Variants in TMPRSS2 observed in about 807,000 individuals in gnomAD.
TMPRSS2 encodes transmembrane protease serine 2.
In TMPRSS2, 59 loss-of-function variants were observed where a neutral mutation model predicts 67.4. The observed-to-expected ratio is 0.88, with a 90% CI of 0.71 to 1.09. The LOEUF is 1.09. TMPRSS2 is among the 50% of genes least tolerant of loss of function. The pLI is 0.00. For synonymous variants in TMPRSS2, 257 were observed against 257.0 expected (o/e 1.00, Z 0.00); for missense variants, 668 against 642.7 (o/e 1.04, Z -0.43).
Position 41,466,529 on chromosome 21 carries a change from G to A in TMPRSS2, c.1468-376C>T, listed in dbSNP as rs145024812. Among the ~76,000 whole-genome samples, 689 of 152,320 alleles carry A rather than the reference G, an allele frequency of 4.5e-3. 5 individuals are homozygous for A. Among genetic ancestry groups the A allele is most frequent in the African/African-American group, 0.016 (651 of 41,582 alleles). On this transcript the variant is annotated intron_variant, in intron 13 of 13. Coordinates refer to ENST00000332149, the MANE Select transcript of TMPRSS2 (RefSeq NM_005656.4). ...CATCCTGGTGCGAGTCCGCCCCTCAGCCTGGCTGACCATCCCAGCCCTGCC... is the reference window on the plus strand; with the variant it reads ...CATCCTGGTGCGAGTCCGCCCCTCAACCTGGCTGACCATCCCAGCCCTGCC...
chr21:41,476,744 G>C (rs572136846), intron 7 of TMPRSS2, 124 bp from the exon 8 acceptor site: 329 of 866,532 alleles, frequency 3.8e-4, no homozygotes, highest in Non-Finnish European at 5.9e-4. Flanking sequence ...AGAAGGGTCT[G>C]CTAGTTACAA....
rs1457714893 is a variant in TMPRSS2 at position 41,506,968 on chromosome 21, G to A, written c.-57+1113C>T. On this transcript the variant is annotated intron_variant, in intron 1 of 13. Coordinates refer to ENST00000332149, the MANE Select transcript of TMPRSS2 (RefSeq NM_005656.4). ...CGAAGGCGAGCCCTGGGTGCTCCCTGCCCACAGGGCTCACCTCGGGCCGCC... is the reference window on the plus strand; with the variant it reads ...CGAAGGCGAGCCCTGGGTGCTCCCTACCCACAGGGCTCACCTCGGGCCGCC... Among the ~76,000 whole-genome samples, 4 of 152,170 alleles carry A rather than the reference G, an allele frequency of 2.6e-5. No homozygotes were observed. The East Asian group carries it at 5.8e-4, about 22-fold the overall frequency.
intron 7 of TMPRSS2, 88 bp downstream of exon 7, chr21:41,479,084 A>C: frequency 9.6e-7 from 1 of 1,040,182 alleles, no homozygotes; most frequent in Non-Finnish European, 1.5e-6. Context: ...ATTGCAGCTC[A>C]GAGAAATCAG....
In TMPRSS2 at chr21:41,478,183, A is replaced by C. The variant is rs116170128; in HGVS notation, c.683+989T>G. ...CACCTGGCCGTGCACAGCCCTCCCC[A>C]CTGGGCTTGCCCTGCCACATTCCCC... On this transcript the variant is annotated intron_variant, in intron 7 of 13. Transcript: ENST00000332149. This position sits in a 1 kb window ranked among gnomAD's most constrained non-coding sequence, Gnocchi z 4.0. Among the ~76,000 whole-genome samples the C allele has an allele frequency of 0.051, 7,776 of 152,190 alleles. 311 individuals carry two copies. The highest frequency in any genetic ancestry group is 0.11 in the African/African-American group (4,747 of 41,516).
intron 3 of TMPRSS2, among the ~76,000 whole-genome samples, chr21:41,493,724 A>G (rs2091356282): frequency 6.6e-6 from 1 of 152,232 alleles, no homozygotes. Flanking sequence ...ATGAGACCAA[A>G]CGAAATGGCA....
chr21:41,466,283 C>T, intron 13 of TMPRSS2, 130 bp from the exon 14 acceptor site: 7 of 856,924 alleles, frequency 8.2e-6, no homozygotes, highest in Non-Finnish European at 1.3e-5. Context: ...ACAAAGGGAT[C>T]ATTCTTCTCT....
intron 9 of TMPRSS2, 73 bp downstream of exon 9, chr21:41,473,252 A>C: frequency 6.8e-7 from 1 of 1,471,406 alleles, no homozygotes; most frequent in Non-Finnish European, 9.1e-7. Flanking sequence ...AAGGGTTGAG[A>C]CCTGCTCAAG....
intron 5 of TMPRSS2, among the ~76,000 whole-genome samples, chr21:41,481,394 C>A (rs900637544): frequency 1.3e-5 from 2 of 152,170 alleles, no homozygotes; most frequent in Non-Finnish European, 2.9e-5. Context: ...ATTGCATGAT[C>A]CCGCTCACAT....
Position 41,489,567 on chromosome 21 carries a change from A to G in TMPRSS2, c.265T>C (p.Leu89=). The G allele has an allele frequency of 6.2e-7, 1 of 1,614,192 alleles. No homozygotes were observed. Among genetic ancestry groups the G allele is most frequent in the South Asian group, 1.1e-5 (1 of 91,080 alleles). Residue 89 remains leucine (L), a synonymous_variant, in exon 4 of 14, where the codon TTG becomes CTG. Transcript: ENST00000332149. ...CCCACGAGGAAGGTCCCCAGGGTCAAGGTGATGCACAGTGCTTTCTTAGTC... is the reference window on the plus strand; with the variant it reads ...CCCACGAGGAAGGTCCCCAGGGTCAGGGTGATGCACAGTGCTTTCTTAGTC... ...SKTKKALCIT[L]TLGTFLVGAA... is the part of the protein sequence containing the mutation.
intron 10 of TMPRSS2, 91 bp downstream of exon 10, chr21:41,471,715 C>G (rs907642607): frequency 7.0e-7 from 1 of 1,427,372 alleles, no homozygotes; most frequent in Non-Finnish European, 9.5e-7. Context: ...GCAAATGCCT[C>G]CCTTCCATTT....
chr21:41,494,245 G>A (rs2091360364), intron 3 of TMPRSS2, 111 bp downstream of exon 3: 1 of 1,136,540 alleles, frequency 8.8e-7, no homozygotes, highest in Non-Finnish European at 1.3e-6. Context: ...GGAGGAGAAG[G>A]GTCAGACCAG....
At chr21:41,485,537 C>A (rs954571150) in intron 5 of TMPRSS2, among the ~76,000 whole-genome samples, 3 of 151,620 alleles carry the variant, frequency 2.0e-5, no homozygotes, top group African/African-American at 4.8e-5. Flanking sequence ...TAGTCCCAGC[C>A]ACTTGGGGGG....
At chr21:41,507,992 G>C in intron 1 of TMPRSS2, 89 bp downstream of exon 1, 1 of 1,400,304 alleles carries the variant, frequency 7.1e-7, no homozygotes, top group East Asian at 3.1e-5. Flanking sequence ...CCTCCGGGCG[G>C]GGCAGGGGGC....
chr21:41,470,202 T>G (rs2070787), intron 11 of TMPRSS2, among the ~76,000 whole-genome samples: 45,986 of 151,828 alleles, frequency 0.3, 7,103 homozygotes, highest in Middle Eastern at 0.37. Flanking sequence ...GCAAAGGAAG[T>G]GGGTGGAGAG....
intron 2 of TMPRSS2, 107 bp downstream of exon 2, chr21:41,498,012 T>A (rs879063771): frequency 2.4e-6 from 2 of 834,250 alleles, no homozygotes; most frequent in Admixed American, 4.3e-5. Flanking sequence ...TGGCCCGGCG[T>A]TCCCTACAAA....
chr21:41,468,137 T>C (rs2091099847), intron 12 of TMPRSS2: 1 of 614,858 alleles, frequency 1.6e-6, no homozygotes, highest in Non-Finnish European at 2.8e-6. Context: ...TAATTTAAAA[T>C]AGTCTAAATA....
intron 3 of TMPRSS2, among the ~76,000 whole-genome samples, chr21:41,492,467 C>T (rs979856347): frequency 1.2e-4 from 18 of 152,224 alleles, no homozygotes; most frequent in Admixed American, 8.5e-4. Context: ...ATTCCTTATA[C>T]TCCTGATGGG....
chr21:41,479,050 A>G (rs9974933), intron 7 of TMPRSS2, 122 bp downstream of exon 7: 198,389 of 745,390 alleles, frequency 0.27, 26,766 homozygotes, highest in Middle Eastern at 0.33. Context: ...TCTCCTCCCA[A>G]TGCAAAACCC....
At chr21:41,503,403 G>A (rs949502275) in intron 1 of TMPRSS2, among the ~76,000 whole-genome samples, 3 of 152,236 alleles carry the variant, frequency 2.0e-5, no homozygotes, top group African/African-American at 7.2e-5. Flanking sequence ...GGATGATACA[G>A]AAATAGGGTT....
Sources: allele counts gnomAD v4.1 joint callset (sites outside exome capture counted in the v4.1 genomes callset), GRCh38; gene constraint gnomAD v4.1.1; non-coding constraint Gnocchi (gnomAD v3.1); transcripts MANE v1.5; gene names NCBI Gene and HGNC (gene_info 2026-07-23, HGNC 2026-07-21).